The following CLCN5 variants were observed in gnomAD, a reference collection of about 807,000 sequenced individuals.
CLCN5 encodes Cl-/H+ antiporter 5, also known as H(+)/Cl(-) exchange transporter 5.
Under a neutral mutation model 54.0 loss-of-function variants are expected in CLCN5, and 17 were observed. That is an observed-to-expected ratio of 0.31 (90% CI 0.22 to 0.47). CLCN5 has a LOEUF of 0.47. CLCN5 is among the 20% of genes least tolerant of loss of function. The probability of loss-of-function intolerance (pLI) is 1.00; values close to 1 mark genes in which losing one functional copy is unlikely to be tolerated. For missense variants in CLCN5, 448 were observed against 646.7 expected, an observed-to-expected ratio of 0.69 and a Z score of 3.33; for synonymous variants, 222 against 233.0, an observed-to-expected ratio of 0.95 and a Z score of 0.43.
intron 3 of CLCN5, among the ~76,000 whole-genome samples, chrX:50,030,498 A>G (rs959080149): frequency 1.8e-5 from 2 of 111,822 alleles, no homozygotes; most frequent in African/African-American, 6.5e-5. Flanking sequence ...CCAAACTGGA[A>G]TACCATATAT....
chrX:50,081,315 T>C (rs1035216647), intron 8 of CLCN5, among the ~76,000 whole-genome samples: 1 of 110,645 alleles, frequency 9.0e-6, no homozygotes, highest in Non-Finnish European at 1.9e-5. Context: ...AACATGCCTC[T>C]TGGGCTACCA....
At chrX:49,942,578 C>T (rs990232286) in intron 3 of CLCN5, among the ~76,000 whole-genome samples, 2 of 98,850 alleles carry the variant, frequency 2.0e-5, no homozygotes, top group Admixed American at 1.1e-4. Context: ...CGACAGGCCC[C>T]GGTGTGTGAT....
intron 4 of CLCN5, among the ~76,000 whole-genome samples, chrX:50,052,570 T>C (rs1557188498): frequency 9.0e-6 from 1 of 111,686 alleles, no homozygotes; most frequent in Non-Finnish European, 1.9e-5. Context: ...ACTTAGGAAG[T>C]GTTCTCTCCG....
intron 12 of CLCN5, among the ~76,000 whole-genome samples, chrX:50,089,895 AAG>A (rs1407140570): frequency 9.0e-6 from 1 of 111,427 alleles, no homozygotes; most frequent in African/African-American, 3.3e-5. Context: ...CAAAAAAAGA[AAG>A]AGAGAGAAAA....
intron 8 of CLCN5, among the ~76,000 whole-genome samples, chrX:50,080,948 G>C (rs1933670333): frequency 9.0e-6 from 1 of 111,022 alleles, no homozygotes; most frequent in Admixed American, 9.6e-5. Flanking sequence ...CCAGGCTCTG[G>C]AAAACTTCCC....
intron 3 of CLCN5, among the ~76,000 whole-genome samples, chrX:49,978,794 A>G (rs1928597177): frequency 8.9e-6 from 1 of 111,892 alleles, no homozygotes; most frequent in African/African-American, 3.3e-5. Context: ...TAATGTTGAG[A>G]GAGGGTAGGT....
At chrX:50,007,687 A>G (rs1930272640) in intron 3 of CLCN5, among the ~76,000 whole-genome samples, 1 of 111,070 alleles carries the variant, frequency 9.0e-6, no homozygotes, top group African/African-American at 3.3e-5. Context: ...GAGTTTCACC[A>G]TCCCCCTTAA....
chrX:50,029,710 G>A (rs1011651934), intron 3 of CLCN5, among the ~76,000 whole-genome samples: 15 of 111,687 alleles, frequency 1.3e-4, no homozygotes, highest in Non-Finnish European at 2.1e-4. Context: ...AGTTAGAATG[G>A]CAATCATTAA....
chrX:49,963,705 T>C (rs1249044288), intron 3 of CLCN5, among the ~76,000 whole-genome samples: 3 of 112,089 alleles, frequency 2.7e-5, no homozygotes, highest in Non-Finnish European at 5.6e-5. Context: ...TGAAGACCTG[T>C]GCTGTTTTCT....
chrX:49,996,192 C>T (rs1398375009), intron 3 of CLCN5, among the ~76,000 whole-genome samples: 2 of 112,093 alleles, frequency 1.8e-5, no homozygotes, highest in Admixed American at 1.9e-4. Flanking sequence ...AACCCTTGTG[C>T]CGAAGACTGT....
intron 3 of CLCN5, among the ~76,000 whole-genome samples, chrX:49,942,333 C>G (rs1312895634): frequency 1.9e-5 from 2 of 107,113 alleles, no homozygotes; most frequent in Non-Finnish European, 3.8e-5. Flanking sequence ...ACTGTGAACT[C>G]TTCCAGCTAA....
chrX:49,936,135 A>G (rs1265540347), intron 3 of CLCN5, among the ~76,000 whole-genome samples: 4 of 111,918 alleles, frequency 3.6e-5, no homozygotes, highest in African/African-American at 9.7e-5. Flanking sequence ...CTATGTAGTG[A>G]TGCTTATAGG....
rs1424022140 is a variant in CLCN5, at chrX:50,093,769, A to T, written c.*1550A>T. On this transcript the variant is annotated 3_prime_UTR_variant, in exon 15 of 15. Coordinates refer to ENST00000376091, the MANE Select transcript of CLCN5 (RefSeq NM_001127898.4). ...AATCATTCCTACTACAAAAAAAAAT[A>T]ACTCCCAGGGCTAGTTAAATTGTAA... is the stretch of plus-strand genomic sequence containing the variant. 1 of 111,822 alleles carries T rather than the reference A, an allele frequency of 8.9e-6. No homozygotes were observed. The highest frequency in any genetic ancestry group is 3.3e-5 in the African/African-American group (1 of 30,725). 9.2% of individuals were successfully genotyped at this position (111,822 alleles called of 1,213,427 possible).
At position 50,096,068 on chromosome X, in the gene CLCN5, C is replaced by T. The variant is rs1557195543; in HGVS notation, c.*3849C>T. On this transcript the variant is annotated 3_prime_UTR_variant, in exon 15 of 15. Coordinates refer to ENST00000376091, the MANE Select transcript of CLCN5 (RefSeq NM_001127898.4). ...GCCAAAGTACTTACTGATGACTGACCACACTGTCTTGTGAGGAACTGGGTC... is the reference window on the plus strand; with the variant it reads ...GCCAAAGTACTTACTGATGACTGACTACACTGTCTTGTGAGGAACTGGGTC... The T allele has an allele frequency of 1.8e-5, 2 of 111,440 alleles. No homozygotes were observed. The highest frequency in any genetic ancestry group is 6.5e-5 in the African/African-American group (2 of 30,636). 9.2% of individuals were successfully genotyped at this position (111,440 alleles called of 1,213,427 possible). A position where few individuals can be genotyped will look rare whatever the true frequency, so the allele number is the denominator to read the frequency against.
At chrX:49,940,174 G>C (rs1393610391) in intron 3 of CLCN5, among the ~76,000 whole-genome samples, 2 of 111,756 alleles carry the variant, frequency 1.8e-5, no homozygotes, top group Non-Finnish European at 3.8e-5. Context: ...ATAGGTCCTG[G>C]TTTTCCTGGG....
intron 7 of CLCN5, among the ~76,000 whole-genome samples, chrX:50,077,088 C>T (rs1424266910): frequency 8.9e-6 from 1 of 111,943 alleles, no homozygotes; most frequent in Non-Finnish European, 1.9e-5. Flanking sequence ...TTATATTACC[C>T]TCCTTGGTCT....
chrX:49,942,095 A>G (rs2147272300), intron 3 of CLCN5, among the ~76,000 whole-genome samples: 1 of 102,642 alleles, frequency 9.7e-6, no homozygotes, highest in East Asian at 3.1e-4. Flanking sequence ...CCAGTTTTGA[A>G]CTCAATAAAT....
chrX:50,091,046 A>C (rs1934081366), intron 14 of CLCN5, among the ~76,000 whole-genome samples, 160 bp downstream of exon 14: 1 of 112,069 alleles, frequency 8.9e-6, no homozygotes, highest in Non-Finnish European at 1.9e-5. Context: ...TTTTTAAATC[A>C]TAATTAATGT....
At chrX:50,033,386 A>G (rs782728615) in intron 3 of CLCN5, among the ~76,000 whole-genome samples, 1 of 111,766 alleles carries the variant, frequency 8.9e-6, no homozygotes, top group South Asian at 3.8e-4. Context: ...AGACAAACAG[A>G]GAGCCAAATC....
Sources: allele counts gnomAD v4.1 joint callset (sites outside exome capture counted in the v4.1 genomes callset), GRCh38; gene constraint gnomAD v4.1.1; transcripts MANE v1.5; gene names NCBI Gene and HGNC (gene_info 2026-07-23, HGNC 2026-07-21).